Variants in KIZ observed in about 807,000 individuals in gnomAD.
KIZ encodes the protein centrosomal protein kizuna.
KIZ carries 68 observed loss-of-function variants against 79.6 expected under a neutral mutation model. The ratio of observed to expected loss-of-function variants is 0.85; its 90% CI spans 0.70 to 1.05. KIZ has a LOEUF of 1.05. Among genes scored for constraint, KIZ ranks in the 50% least tolerant of loss-of-function variants. The pLI, the probability that KIZ is intolerant of heterozygous loss-of-function variation, is 0.00. For synonymous variants in KIZ, 280 were observed against 281.8 expected (o/e 0.99, Z 0.06); for missense variants, 797 against 800.4 (o/e 1.00, Z 0.05).
chr20:21,209,701 T>C (rs917376435), intron 7 of KIZ, among the ~76,000 whole-genome samples: 2 of 152,286 alleles, frequency 1.3e-5, no homozygotes, highest in East Asian at 3.8e-4. Context: ...AGGAATACTC[T>C]TGAACCTTGA....
At chr20:21,189,791 G>A (rs1351590530) in intron 6 of KIZ, among the ~76,000 whole-genome samples, 1 of 152,164 alleles carries the variant, frequency 6.6e-6, no homozygotes, top group Non-Finnish European at 1.5e-5. Flanking sequence ...AAGAGAAGGA[G>A]CGTTGTTTGC....
intron 4 of KIZ, among the ~76,000 whole-genome samples, chr20:21,159,241 G>A (rs2033541362): frequency 6.6e-6 from 1 of 152,018 alleles, no homozygotes; most frequent in East Asian, 1.9e-4. Flanking sequence ...CTGGTCTCAA[G>A]TTCCTGGGCT....
intron 4 of KIZ, among the ~76,000 whole-genome samples, chr20:21,161,236 T>G (rs1236574080): frequency 6.6e-6 from 1 of 152,240 alleles, no homozygotes; most frequent in East Asian, 1.9e-4. Context: ...TACTAGACCC[T>G]TATCAGATAC....
At position 21,162,150 on chromosome 20, in the gene KIZ, T is replaced by G; in HGVS notation, c.685T>G (p.Ser229Ala). 6.2e-7 allele frequency: 1 copy of G among 1,610,916 alleles called. No individual in the cohort carries two copies. Among genetic ancestry groups the G allele is most frequent in the South Asian group, 1.1e-5 (1 of 90,886 alleles). ...GTCTGACAACATAGATGGAAAGGCA[T>G]CTCTTCAGATTGGTGAGAAAATGCC... Reference protein sequence around the residue: ...NKSDNIDGKASLQIGEKMPVT... With the variant: ...NKSDNIDGKAALQIGEKMPVT... Residue 229 changes from serine to alanine, a missense_variant, in exon 5 of 13, where the codon TCT becomes GCT. Ser to Ala is a moderately conservative substitution (Grantham distance 99, BLOSUM62 1). Transcript: ENST00000619189.
At chr20:21,219,131 C>T (rs770422819) in intron 9 of KIZ, among the ~76,000 whole-genome samples, 21 of 152,030 alleles carry the variant, frequency 1.4e-4, no homozygotes, top group Non-Finnish European at 2.9e-5. Context: ...GATGTTTAAC[C>T]TGAGAAGGGC....
At chr20:21,172,342 C>A (rs990582188) in intron 6 of KIZ, among the ~76,000 whole-genome samples, 6 of 152,116 alleles carry the variant, frequency 3.9e-5, no homozygotes, top group Non-Finnish European at 7.4e-5. Context: ...CGGTGACTAA[C>A]GTGTAATCCT....
chr20:21,226,615 G>A (rs1259173690), intron 9 of KIZ, among the ~76,000 whole-genome samples: 3 of 152,186 alleles, frequency 2.0e-5, no homozygotes, highest in South Asian at 2.1e-4. Flanking sequence ...GCCCTCTCCC[G>A]CAACTTTGAC....
chr20:21,244,141 C>T (rs2037312740), intron 11 of KIZ, 104 bp from the exon 12 acceptor site: 3 of 790,368 alleles, frequency 3.8e-6, no homozygotes, highest in Non-Finnish European at 6.5e-6. Flanking sequence ...AAAGTTCTGG[C>T]CTCCAGTGAA....
intron 11 of KIZ, among the ~76,000 whole-genome samples, chr20:21,237,301 C>CA (rs72536116): frequency 0.073 from 4,258 of 58,390 alleles, 145 homozygotes; most frequent in African/African-American, 0.12. Context: ...AACTCCGTCT[C>CA]AAAAAAAAAA....
At chr20:21,236,110 G>T (rs1309305960) in intron 11 of KIZ, among the ~76,000 whole-genome samples, 1 of 152,188 alleles carries the variant, frequency 6.6e-6, no homozygotes, top group Non-Finnish European at 1.5e-5. Flanking sequence ...TACATACGTT[G>T]TTTTTTCTGC....
At chr20:21,165,647 A>T (rs6047281) in intron 6 of KIZ, among the ~76,000 whole-genome samples, 1 of 151,988 alleles carries the variant, frequency 6.6e-6, no homozygotes, top group Non-Finnish European at 1.5e-5. Flanking sequence ...CCTGTTGTCC[A>T]TTCCCTTGCC....
intron 3 of KIZ, among the ~76,000 whole-genome samples, chr20:21,143,559 C>T (rs1568915829): frequency 6.6e-6 from 1 of 152,146 alleles, no homozygotes; most frequent in Non-Finnish European, 1.5e-5. Context: ...AAATAAATTA[C>T]ATGTGCATAC....
chr20:21,200,530 C>T (rs1008515880), intron 6 of KIZ, among the ~76,000 whole-genome samples: 1 of 151,712 alleles, frequency 6.6e-6, no homozygotes, highest in African/African-American at 2.4e-5. Flanking sequence ...TGATGGGAGA[C>T]AATGACAGAT....
At chr20:21,185,797 A>C (rs2034854309) in intron 6 of KIZ, among the ~76,000 whole-genome samples, 1 of 145,370 alleles carries the variant, frequency 6.9e-6, no homozygotes, top group African/African-American at 2.6e-5. Flanking sequence ...CCACAGCCTC[A>C]ACCTCCCAGG....
At chr20:21,184,114 C>T (rs1179016308) in intron 6 of KIZ, among the ~76,000 whole-genome samples, 1 of 151,720 alleles carries the variant, frequency 6.6e-6, no homozygotes, top group East Asian at 1.9e-4. Flanking sequence ...AGGTGGCAGA[C>T]CCAACACTTT....
Position 21,205,673 on chromosome 20 carries a change from A to G in KIZ, c.1446+89A>G, listed in dbSNP as rs944140581. ...AATTTTTATTTAAAAAAAAAAAAAA[A>G]AAGTTTTGGCCAGGCGCCGTGGCTC... On this transcript the variant is annotated intron_variant, in intron 7 of 12. Transcript: ENST00000619189. The G allele has an allele frequency of 3.0e-5, 19 of 631,278 alleles. No individual in the cohort carries two copies. In the African/African-American group the frequency reaches 3.3e-4, roughly 11 times the overall value. The allele number at this position is 631,278 out of a possible 1,614,324, so 39.1% of individuals were successfully genotyped here.
At chr20:21,234,711 C>G (rs2036945394) in intron 11 of KIZ, among the ~76,000 whole-genome samples, 1 of 143,716 alleles carries the variant, frequency 7.0e-6, no homozygotes, top group South Asian at 2.2e-4. Flanking sequence ...CTTCTTTGCT[C>G]TATTTTGTCA....
intron 6 of KIZ, among the ~76,000 whole-genome samples, chr20:21,177,300 TG>T (rs2034477722): frequency 6.6e-6 from 1 of 152,190 alleles, no homozygotes; most frequent in Admixed American, 6.5e-5. Context: ...AATTTTTCTA[TG>T]GTTTTGATTT....
chr20:21,162,049 G>C lies in KIZ; in HGVS notation c.584G>C (p.Arg195Pro), dbSNP rs1165353786. 1 of 1,613,712 alleles carries C rather than the reference G, an allele frequency of 6.2e-7. No homozygotes were observed. The highest frequency in any genetic ancestry group is 1.1e-5 in the South Asian group (1 of 91,078). Residue 195 changes from arginine (R) to proline (P), a missense_variant, in exon 5 of 13, where the codon CGA becomes CCA. Arg to Pro is a moderately radical substitution (Grantham distance 103). Coordinates refer to ENST00000619189, the MANE Select transcript of KIZ (RefSeq NM_018474.6). ...TCAATTCCTGACCCACATTCACACC[G>C]ACAGACAGCCCAGAGCAGTAATGTG... ...NFSIPDPHSH[R>P]QTAQSSNVTD...
Sources: gnomAD v4.1 joint callset for allele counts (sites outside exome capture counted in the v4.1 genomes callset) on GRCh38, gnomAD v4.1.1 for gene constraint, MANE v1.5 for transcripts, NCBI Gene and HGNC (gene_info 2026-07-23, HGNC 2026-07-21) for gene names.